The following DDX4 variants were observed in gnomAD, a reference collection of about 807,000 sequenced individuals.
DDX4 encodes probable ATP-dependent RNA helicase DDX4.
In DDX4, 25 loss-of-function variants were observed where a neutral mutation model predicts 100.0. The ratio of observed to expected loss-of-function variants is 0.25; its 90% CI spans 0.18 to 0.35. The LOEUF is 0.35. Among genes scored for constraint, DDX4 ranks in the 10% least tolerant of loss-of-function variants. The pLI, the probability that DDX4 is intolerant of heterozygous loss-of-function variation, is 1.00. For synonymous variants in DDX4, 259 were observed against 275.7 expected, an observed-to-expected ratio of 0.94 and a Z score of 0.60; for missense variants, 635 against 882.4, an observed-to-expected ratio of 0.72 and a Z score of 3.55.
chr5:55,761,209 G>A (rs542734715), intron 4 of DDX4, among the ~76,000 whole-genome samples: 2 of 152,212 alleles, frequency 1.3e-5, no homozygotes, highest in South Asian at 4.1e-4. Flanking sequence ...ATATTAAGAT[G>A]CATTGTTTAT....
At chr5:55,805,933 A>G (rs563703638) in intron 18 of DDX4, among the ~76,000 whole-genome samples, 23 of 152,256 alleles carry the variant, frequency 1.5e-4, no homozygotes, top group African/African-American at 2.4e-4. Context: ...GGTAGAATTC[A>G]GCTGTGAATC....
intron 3 of DDX4, among the ~76,000 whole-genome samples, chr5:55,752,931 C>T (rs926220624): frequency 2.0e-5 from 3 of 151,158 alleles, no homozygotes; most frequent in African/African-American, 7.3e-5. Flanking sequence ...TCTCTGATGG[C>T]CAGTGATGGT....
At chr5:55,767,213 G>A (rs187478407) in intron 6 of DDX4, among the ~76,000 whole-genome samples, 1 of 152,318 alleles carries the variant, frequency 6.6e-6, no homozygotes, top group Non-Finnish European at 1.5e-5. Context: ...GCCAAGGTGG[G>A]CGAATCACCT....
At position 55,799,786 on chromosome 5, in the gene DDX4, A is replaced by C. The variant is rs1743183448; in HGVS notation, c.1615+1215A>C. 2.6e-5 allele frequency among the ~76,000 whole-genome samples: 4 copies of C among 152,162 alleles called. No individual in the cohort carries two copies. The South Asian group carries it at 8.3e-4, about 32-fold the overall frequency. ...TTTTAATACCTTCTCATTACCTCAT[A>C]GGCTAGGTCTACTTACATGTTACAC... On this transcript the variant is annotated intron_variant, in intron 18 of 21. Transcript: ENST00000505374.
At chr5:55,796,604 C>T (rs1197373981) in intron 17 of DDX4, among the ~76,000 whole-genome samples, 1 of 152,102 alleles carries the variant, frequency 6.6e-6, no homozygotes, top group Non-Finnish European at 1.5e-5. Context: ...GGCTCACCTG[C>T]TACTTTCTTA....
At chr5:55,799,895 C>T (rs1345917773) in intron 18 of DDX4, among the ~76,000 whole-genome samples, 1 of 152,076 alleles carries the variant, frequency 6.6e-6, no homozygotes. Flanking sequence ...GGTGGTTCAT[C>T]AGCTAATTTC....
At chr5:55,804,425 A>G (rs1743554797) in intron 18 of DDX4, among the ~76,000 whole-genome samples, 1 of 152,222 alleles carries the variant, frequency 6.6e-6, no homozygotes, top group Admixed American at 6.5e-5. Context: ...GGTAATGCCT[A>G]GGTTTTCTTC....
intron 18 of DDX4, among the ~76,000 whole-genome samples, chr5:55,799,048 T>C (rs927826633): frequency 6.6e-6 from 1 of 152,172 alleles, no homozygotes; most frequent in African/African-American, 2.4e-5. Flanking sequence ...TTTTTTCTCC[T>C]CTACTCCCCC....
intron 6 of DDX4, among the ~76,000 whole-genome samples, chr5:55,765,425 T>TAC (rs1740854808): frequency 1.4e-5 from 2 of 142,806 alleles, no homozygotes; most frequent in Non-Finnish European, 3.0e-5. Flanking sequence ...TATATATATA[T>TAC]ATATATATAT....
intron 18 of DDX4, among the ~76,000 whole-genome samples, chr5:55,810,043 A>G (rs1315822623): frequency 6.6e-6 from 1 of 152,180 alleles, no homozygotes; most frequent in Non-Finnish European, 1.5e-5. Context: ...ACACACACAC[A>G]CAAAAAATAG....
chr5:55,793,527 G>A (rs1003063621), intron 17 of DDX4, among the ~76,000 whole-genome samples: 1 of 152,204 alleles, frequency 6.6e-6, no homozygotes, highest in African/African-American at 2.4e-5. Flanking sequence ...TAATTCAGCA[G>A]GACTCTTGCT....
At chr5:55,739,191 G>A (rs1290336491) in intron 2 of DDX4, among the ~76,000 whole-genome samples, 159 bp downstream of exon 2, 1 of 152,070 alleles carries the variant, frequency 6.6e-6, no homozygotes, top group Non-Finnish European at 1.5e-5. Flanking sequence ...CCTAAGCCTC[G>A]TATAGGATAC....
At chr5:55,755,895 C>T (rs1759899137) in intron 3 of DDX4, among the ~76,000 whole-genome samples, 1 of 152,114 alleles carries the variant, frequency 6.6e-6, no homozygotes, top group Non-Finnish European at 1.5e-5. Flanking sequence ...CTTCCTTTTT[C>T]TTCCAGGCAC....
At chr5:55,775,759 T>G (rs1372540227) in intron 7 of DDX4, among the ~76,000 whole-genome samples, 1 of 152,200 alleles carries the variant, frequency 6.6e-6, no homozygotes, top group Admixed American at 6.5e-5. Context: ...CTTTAAGAGT[T>G]AGATTGTCAG....
chr5:55,799,881 C>T (rs954914390), intron 18 of DDX4, among the ~76,000 whole-genome samples: 2 of 151,946 alleles, frequency 1.3e-5, no homozygotes, highest in African/African-American at 4.8e-5. Context: ...GAGAGAAATG[C>T]GAAGGTGGTT....
At chr5:55,781,244 G>T in intron 9 of DDX4, 98 bp downstream of exon 9, 4 of 926,494 alleles carry the variant, frequency 4.3e-6, no homozygotes, top group Non-Finnish European at 6.2e-6. Context: ...ATACTAGTTT[G>T]GCTTATGATT....
intron 17 of DDX4, among the ~76,000 whole-genome samples, chr5:55,796,563 T>C (rs1463676995): frequency 6.6e-6 from 1 of 152,202 alleles, no homozygotes; most frequent in Admixed American, 6.5e-5. Context: ...CATAGACTGA[T>C]TTTTAAACTC....
At chr5:55,784,505 A>G (rs1414203931) in intron 10 of DDX4, among the ~76,000 whole-genome samples, 4 of 152,228 alleles carry the variant, frequency 2.6e-5, no homozygotes, top group African/African-American at 9.6e-5. Context: ...TAATCTGGTC[A>G]AATTGACACC....
chr5:55,816,370 T>A (rs1744417991), intron 21 of DDX4, 93 bp from the exon 22 acceptor site: 2 of 1,493,260 alleles, frequency 1.3e-6, no homozygotes, highest in African/African-American at 2.8e-5. Context: ...ATACTTTGAG[T>A]CCTTGCTCTC....
Sources: gnomAD v4.1 joint callset for allele counts (sites outside exome capture counted in the v4.1 genomes callset) on GRCh38, gnomAD v4.1.1 for gene constraint, MANE v1.5 for transcripts, NCBI Gene and HGNC (gene_info 2026-07-23, HGNC 2026-07-21) for gene names.